The following RLBP1 variants were observed in gnomAD, a reference collection of about 807,000 sequenced individuals.
RLBP1 encodes the protein retinaldehyde-binding protein 1.
A neutral mutation model predicts 36.2 loss-of-function variants in RLBP1; 26 were observed. The observed-to-expected ratio is 0.72, with a 90% CI of 0.53 to 1.00. RLBP1 has a LOEUF of 1.00. Ranked by LOEUF, RLBP1 falls within the 50% of genes least tolerant of loss-of-function variation. RLBP1 has a pLI of 0.00. For synonymous variants in RLBP1, 155 were observed against 156.2 expected, an observed-to-expected ratio of 0.99 and a Z score of 0.06; for missense variants, 410 against 402.4, an observed-to-expected ratio of 1.02 and a Z score of -0.16.
In RLBP1 at chr15:89,210,140, A is replaced by G. The variant is rs1006296736; in HGVS notation, c.*145T>C. 3 of 865,786 alleles carry G rather than the reference A, an allele frequency of 3.5e-6. No homozygotes were observed. The African/African-American group carries it at 4.9e-5, about 14-fold the overall frequency. The allele number at this position is 865,786 out of a possible 1,614,324, so 53.6% of individuals were successfully genotyped here. A position where few individuals can be genotyped will look rare whatever the true frequency, so the allele number is the denominator to read the frequency against. On this transcript the variant is annotated 3_prime_UTR_variant, in exon 9 of 9. Transcript: ENST00000268125. This position sits in a 1 kb window ranked among gnomAD's most constrained non-coding sequence, Gnocchi z 4.7. ...ATTACCCATCCCCCAACTTGAGAAC[A>G]GGGTGACACCTGAGCTCACTCGGGC...
In RLBP1 at chr15:89,210,558, G is replaced by T; in HGVS notation, c.796-115C>A. The T allele has an allele frequency of 7.6e-7, 1 of 1,318,682 alleles. No individual in the cohort carries two copies. Among genetic ancestry groups the T allele is most frequent in the South Asian group, 1.2e-5 (1 of 81,704 alleles). The allele number at this position is 1,318,682 out of a possible 1,614,324, so 81.7% of individuals were successfully genotyped here. The stretch of plus-strand genomic sequence containing the variant: ...CCATCATGTGCAGTCTTTGCCTGGC[G>T]ACACCTCTCTCCGCAGGTCTCCATG... On this transcript the variant is annotated intron_variant, in intron 8 of 8. Coordinates refer to ENST00000268125, the MANE Select transcript of RLBP1 (RefSeq NM_000326.5). The surrounding 1 kb of genome is among the most constrained non-coding windows in gnomAD (Gnocchi z 4.7).
rs1596182673 is a variant in RLBP1 at position 89,214,426 on chromosome 15, A to C, written c.525+634T>G. ...CAGTGAGCTAAGATCATGCCACTGCACTCCAGCCTGGGTGACCAGAGCGAG... is the reference window on the plus strand; with the variant it reads ...CAGTGAGCTAAGATCATGCCACTGCCCTCCAGCCTGGGTGACCAGAGCGAG... On this transcript the variant is annotated intron_variant, in intron 6 of 8. Coordinates refer to ENST00000268125, the MANE Select transcript of RLBP1 (RefSeq NM_000326.5). The surrounding 1 kb of genome is among the most constrained non-coding windows in gnomAD (Gnocchi z 4.6). Among the ~76,000 whole-genome samples, 1 of 152,200 alleles carries C rather than the reference A, an allele frequency of 6.6e-6. No homozygotes were observed. The highest frequency in any genetic ancestry group is 1.5e-5 in the Non-Finnish European group (1 of 68,024).
intron 6 of RLBP1, among the ~76,000 whole-genome samples, chr15:89,212,542 G>A (rs1380106744): frequency 4.2e-5 from 6 of 144,034 alleles, no homozygotes; most frequent in Non-Finnish European, 9.0e-5. Context: ...CCGAGATCAC[G>A]CCACTGCTCT....
chr15:89,210,684 G>T lies in RLBP1; in HGVS notation c.795+15C>A. Reference sequence around the variant, plus strand: ...AGCCCTCTTGTCTCATTGTCTGGGCGGCCCACGTACTCACCCTCTCAAGCA... The same window carrying T: ...AGCCCTCTTGTCTCATTGTCTGGGCTGCCCACGTACTCACCCTCTCAAGCA... On this transcript the variant is annotated intron_variant, in intron 8 of 8. Coordinates refer to ENST00000268125, the MANE Select transcript of RLBP1 (RefSeq NM_000326.5). The surrounding 1 kb of genome is among the most constrained non-coding windows in gnomAD (Gnocchi z 4.7). The T allele has an allele frequency of 1.3e-6, 2 of 1,548,840 alleles. No individual in the cohort carries two copies. Among genetic ancestry groups the T allele is most frequent in the East Asian group, 2.3e-5 (1 of 43,078 alleles).
intron 5 of RLBP1, 122 bp downstream of exon 5, chr15:89,216,998 G>T: frequency 2.1e-6 from 2 of 970,598 alleles, no homozygotes; most frequent in Non-Finnish European, 1.6e-6. Context: ...GGATGTGGAG[G>T]CTCAGAGAAA....
In RLBP1 at chr15:89,218,379, T is replaced by A. The variant is rs1310118444; in HGVS notation, c.141+186A>T. 6.6e-6 allele frequency among the ~76,000 whole-genome samples: 1 copy of A among 152,194 alleles called. No homozygotes were observed. The highest frequency in any genetic ancestry group is 1.5e-5 in the Non-Finnish European group (1 of 68,034). ...TGGGTTGGGCTGGCCTGGCTGGGTG[T>A]CTGGTCAACCCAGTTGCTGCCATAG... On this transcript the variant is annotated intron_variant, in intron 4 of 8. Coordinates refer to ENST00000268125, the MANE Select transcript of RLBP1 (RefSeq NM_000326.5). This position sits in a 1 kb window ranked among gnomAD's most constrained non-coding sequence, Gnocchi z 4.6.
At position 89,217,290 on chromosome 15, in the gene RLBP1, C is replaced by A; in HGVS notation, c.176G>T (p.Arg59Leu). 1 of 1,608,250 alleles carries A rather than the reference C, an allele frequency of 6.2e-7. No individual in the cohort carries two copies. The highest frequency in any genetic ancestry group is 8.5e-7 in the Non-Finnish European group (1 of 1,180,002). ...KDELNEREETREEAVRELQEM... is the reference protein window; with the variant it reads ...KDELNEREETLEEAVRELQEM... Reference sequence around the variant, plus strand: ...CTGCAGCTCTCGCACTGCCTCCTCCCGGGTCTCCTCTCTCTCGTTCAGCTC... The same window carrying A: ...CTGCAGCTCTCGCACTGCCTCCTCCAGGGTCTCCTCTCTCTCGTTCAGCTC... The change falls in exon 5 of 9, where the codon CGG becomes CTG. Residue 59 changes from arginine to leucine, a missense_variant. Physicochemically the swap from Arg to Leu is moderately radical, Grantham distance 102 (BLOSUM62 -2). Transcript: ENST00000268125.
At position 89,210,952 on chromosome 15, in the gene RLBP1, T is replaced by C; in HGVS notation, c.685-143A>G. On this transcript the variant is annotated intron_variant, in intron 7 of 8. Coordinates refer to ENST00000268125, the MANE Select transcript of RLBP1 (RefSeq NM_000326.5). This position sits in a 1 kb window ranked among gnomAD's most constrained non-coding sequence, Gnocchi z 4.7. ...GCCCTGGAGAAGGGCCCACTGAAGG[T>C]CCTATTTCCAGGCCAGCAACTAGGG... The C allele has an allele frequency of 1.6e-6, 1 of 622,518 alleles. No individual in the cohort carries two copies. The highest frequency in any genetic ancestry group is 1.8e-5 in the African/African-American group (1 of 54,760). The allele number at this position is 622,518 out of a possible 1,614,324, so 38.6% of individuals were successfully genotyped here. A position where few individuals can be genotyped will look rare whatever the true frequency, so the allele number is the denominator to read the frequency against.
At chr15:89,216,345 A>G (rs1277026191) in intron 5 of RLBP1, among the ~76,000 whole-genome samples, 1 of 150,724 alleles carries the variant, frequency 6.6e-6, no homozygotes, top group Non-Finnish European at 1.5e-5. Flanking sequence ...TTTTTGAGAT[A>G]GAGTTTTGCT....
At position 89,211,131 on chromosome 15, in the gene RLBP1, TG is replaced by T. The variant is rs1306243325; in HGVS notation, c.685-323del. Among the ~76,000 whole-genome samples the T allele has an allele frequency of 2.7e-4, 41 of 152,200 alleles. No individual in the cohort carries two copies. Among genetic ancestry groups the T allele is most frequent in the African/African-American group, 9.7e-4 (40 of 41,440 alleles). ...TTTGGTGAGTTTTTTCAAACCCACT[TG>T]CCTGCCGAAGGGACTGCAAACTATT... On this transcript the variant is annotated intron_variant, in intron 7 of 8. Transcript: ENST00000268125. The surrounding 1 kb of genome is among the most constrained non-coding windows in gnomAD (Gnocchi z 5.8).
chr15:89,217,742 G>A (rs1300266253), intron 4 of RLBP1, among the ~76,000 whole-genome samples: 1 of 152,196 alleles, frequency 6.6e-6, no homozygotes, highest in Non-Finnish European at 1.5e-5. Flanking sequence ...CAGAGAGAAA[G>A]GAGTGGAGCT....
At position 89,210,738 on chromosome 15, in the gene RLBP1, A is replaced by C. The variant is rs1311566225; in HGVS notation, c.756T>G (p.Asn252Lys). 8 of 1,602,960 alleles carry C rather than the reference A, an allele frequency of 5.0e-6. No individual in the cohort carries two copies. Among genetic ancestry groups the C allele is most frequent in the Non-Finnish European group, 6.8e-6 (8 of 1,173,850 alleles). ...HQPWYFTTTY[N>K]VVKPFLKSKL... is the part of the protein sequence containing the mutation. ...TGCTCTTCAAGAAGGGCTTGACCAC[A>C]TTGTAGGTCGTGGTGAAGTACCATG... Residue 252 changes from asparagine (N) to lysine (K), a missense_variant, in exon 8 of 9, where the codon AAT becomes AAG. Coordinates refer to ENST00000268125, the MANE Select transcript of RLBP1 (RefSeq NM_000326.5). This position sits in a 1 kb window ranked among gnomAD's most constrained non-coding sequence, Gnocchi z 4.7.
At position 89,214,434 on chromosome 15, in the gene RLBP1, C is replaced by T. The variant is rs1383855137; in HGVS notation, c.525+626G>A. Among the ~76,000 whole-genome samples, 1 of 152,098 alleles carries T rather than the reference C, an allele frequency of 6.6e-6. No individual in the cohort carries two copies. The highest frequency in any genetic ancestry group is 1.5e-5 in the Non-Finnish European group (1 of 68,014). ...TAAGATCATGCCACTGCACTCCAGC[C>T]TGGGTGACCAGAGCGAGACTCCATC... On this transcript the variant is annotated intron_variant, in intron 6 of 8. Coordinates refer to ENST00000268125, the MANE Select transcript of RLBP1 (RefSeq NM_000326.5). The surrounding 1 kb of genome is among the most constrained non-coding windows in gnomAD (Gnocchi z 4.6).
chr15:89,213,662 T>C, intron 6 of RLBP1, among the ~76,000 whole-genome samples: 1 of 152,194 alleles, frequency 6.6e-6, no homozygotes, highest in East Asian at 1.9e-4. Flanking sequence ...AGCACAGTCA[T>C]AGCTTATGAA....
At chr15:89,220,731 C>T (rs184762968) in intron 1 of RLBP1, among the ~76,000 whole-genome samples, 3 of 152,234 alleles carry the variant, frequency 2.0e-5, no homozygotes, top group Non-Finnish European at 1.5e-5. Flanking sequence ...ACAGAACTGC[C>T]CTGGGGAGCC....
chr15:89,212,168 G>A (rs968677257), intron 6 of RLBP1, among the ~76,000 whole-genome samples: 1 of 152,186 alleles, frequency 6.6e-6, no homozygotes, highest in African/African-American at 2.4e-5. Flanking sequence ...GGGAACTGGT[G>A]AAATTATGGT....
intron 5 of RLBP1, among the ~76,000 whole-genome samples, chr15:89,216,401 C>T (rs1296315843): frequency 6.6e-6 from 1 of 152,112 alleles, no homozygotes; most frequent in Non-Finnish European, 1.5e-5. Flanking sequence ...CAGCTCACCG[C>T]AACCTCTGCC....
In RLBP1 at chr15:89,210,295, G is replaced by A. The variant is rs1431601502; in HGVS notation, c.944C>T (p.Thr315Ile). Residue 315 changes from threonine to isoleucine, a missense_variant, in exon 9 of 9, where the codon ACA becomes ATA. Coordinates refer to ENST00000268125, the MANE Select transcript of RLBP1 (RefSeq NM_000326.5). This position sits in a 1 kb window ranked among gnomAD's most constrained non-coding sequence, Gnocchi z 4.7. ...TGGCAGGAGATGTTTTCAGAAGGCT[G>A]TGTTCTCAGCTTGGGCCTGGGGGCC... The part of the protein sequence containing the change: ...LFGPQAQAEN[T>I]AF The A allele has an allele frequency of 6.2e-7, 1 of 1,614,192 alleles. No homozygotes were observed. The highest frequency in any genetic ancestry group is 1.7e-5 in the Admixed American group (1 of 60,034).
intron 1 of RLBP1, among the ~76,000 whole-genome samples, chr15:89,221,003 C>CT (rs562626834): frequency 0.012 from 1,494 of 129,256 alleles, 23 homozygotes; most frequent in African/African-American, 0.028. Flanking sequence ...TAAATGTGAA[C>CT]TTTTTTTTTT....
Sources: allele counts gnomAD v4.1 joint callset (sites outside exome capture counted in the v4.1 genomes callset), GRCh38; gene constraint gnomAD v4.1.1; non-coding constraint Gnocchi (gnomAD v3.1); transcripts MANE v1.5; gene names NCBI Gene and HGNC (gene_info 2026-07-23, HGNC 2026-07-21).